Variants in NRXN1 observed in about 807,000 individuals in gnomAD.
The protein encoded by NRXN1 is neurexin-1.
Under a neutral mutation model 150.9 loss-of-function variants are expected in NRXN1, and 39 were observed. That is an observed-to-expected ratio of 0.26 (90% CI 0.20 to 0.34). The LOEUF (loss-of-function observed/expected upper bound fraction) is 0.34. Among genes scored for constraint, NRXN1 ranks in the 10% least tolerant of loss-of-function variants. NRXN1 has a pLI of 1.00. For missense variants in NRXN1, 1,815 were observed against 1,949.9 expected (o/e 0.93, Z 1.30); for synonymous variants, 924 against 757.0 (o/e 1.22, Z -3.62).
chr2:50,321,592 T>G (rs2076044490), intron 17 of NRXN1, among the ~76,000 whole-genome samples: 1 of 152,136 alleles, frequency 6.6e-6, no homozygotes, highest in Non-Finnish European at 1.5e-5. Context: ...GTAGCAGTAC[T>G]TTTCGAGAAA....
In NRXN1 at chr2:50,690,499, T is replaced by G. The variant is rs76608725; in HGVS notation, c.833-66884A>C. On this transcript the variant is annotated intron_variant, in intron 5 of 22. Coordinates refer to ENST00000401669, the MANE Select transcript of NRXN1 (RefSeq NM_001330078.2). ...GCCATCACAGCCTTGCACATGAGATTTGGTTGGTGGGAATAGAAAAACATT... is the reference window on the plus strand; with the variant it reads ...GCCATCACAGCCTTGCACATGAGATGTGGTTGGTGGGAATAGAAAAACATT... 7.5e-4 allele frequency among the ~76,000 whole-genome samples: 114 copies of G among 152,274 alleles called. 1 individual carries two copies. The East Asian group carries it at 0.019, about 26-fold the overall frequency.
intron 17 of NRXN1, among the ~76,000 whole-genome samples, chr2:50,308,413 G>C (rs2074848572): frequency 6.6e-6 from 1 of 152,060 alleles, no homozygotes; most frequent in Non-Finnish European, 1.5e-5. Flanking sequence ...CTGCTGCCTT[G>C]AATTTCTGGG....
At chr2:50,976,792 C>CA (rs1695916919) in intron 2 of NRXN1, among the ~76,000 whole-genome samples, 2 of 151,462 alleles carry the variant, frequency 1.3e-5, no homozygotes, top group African/African-American at 4.8e-5. Flanking sequence ...TTGAGCATAC[C>CA]AAAAAAATCA....
At chr2:50,489,881 G>GATAGCTGCATGGGAAGGGA (rs1553689652) in intron 15 of NRXN1, among the ~76,000 whole-genome samples, 1 of 152,042 alleles carries the variant, frequency 6.6e-6, no homozygotes, top group African/African-American at 2.4e-5. Context: ...GCAGGTCCCA[G>GATAGCTGCATGGGAAGGGA]ATAACTGCAT....
intron 5 of NRXN1, among the ~76,000 whole-genome samples, chr2:50,794,503 T>C (rs993102619): frequency 6.6e-6 from 1 of 152,174 alleles, no homozygotes; most frequent in Non-Finnish European, 1.5e-5. Flanking sequence ...CACTCTTTCA[T>C]ACCATTATGT....
At chr2:50,689,854 TTGTGTGTGTGTGTGTGTGTGTGTG>T (rs796892350) in intron 5 of NRXN1, among the ~76,000 whole-genome samples, 1 of 135,290 alleles carries the variant, frequency 7.4e-6, no homozygotes, top group African/African-American at 2.8e-5. Flanking sequence ...TTTTGCTTAT[TTGTGTGTGTGTGTGTGTGTGTGTG>T]TGTGTGTGTG....
intron 5 of NRXN1, among the ~76,000 whole-genome samples, chr2:50,799,969 T>C (rs550997979): frequency 2.0e-5 from 3 of 152,126 alleles, no homozygotes; most frequent in Non-Finnish European, 4.4e-5. Flanking sequence ...AAATTAAATG[T>C]ACTTAAATTT....
chr2:50,032,326 A>G (rs1419461732), intron 21 of NRXN1, among the ~76,000 whole-genome samples: 2 of 152,062 alleles, frequency 1.3e-5, no homozygotes, highest in African/African-American at 4.8e-5. Flanking sequence ...AACTTTCTCT[A>G]TTGTGATACT....
intron 21 of NRXN1, among the ~76,000 whole-genome samples, chr2:50,015,525 A>T (rs2152551735): frequency 6.8e-6 from 1 of 148,050 alleles, no homozygotes; most frequent in South Asian, 2.1e-4. Context: ...CCAAAAAAAA[A>T]AAAAAAAAAA....
At chr2:50,564,207 A>G (rs1669523156) in intron 8 of NRXN1, among the ~76,000 whole-genome samples, 1 of 152,146 alleles carries the variant, frequency 6.6e-6, no homozygotes, top group African/African-American at 2.4e-5. Flanking sequence ...ATGAAAACTT[A>G]TTTTGCAATG....
At chr2:50,273,491 G>C (rs879551858) in intron 17 of NRXN1, among the ~76,000 whole-genome samples, 10 of 152,026 alleles carry the variant, frequency 6.6e-5, no homozygotes, top group African/African-American at 2.2e-4. Flanking sequence ...TTGTGTTTTC[G>C]AGTGCTATTG....
chr2:50,929,882 T>C (rs1687483824), intron 2 of NRXN1, among the ~76,000 whole-genome samples: 1 of 152,064 alleles, frequency 6.6e-6, no homozygotes, highest in South Asian at 2.1e-4. Context: ...AGTCTGGGAA[T>C]GCTTCAAGCA....
chr2:50,430,147 C>T (rs1225705958), intron 17 of NRXN1, among the ~76,000 whole-genome samples: 1 of 152,144 alleles, frequency 6.6e-6, no homozygotes. Context: ...AACTGTCACT[C>T]AATTGAACTC....
At chr2:50,422,188 A>T (rs1009866208) in intron 17 of NRXN1, among the ~76,000 whole-genome samples, 5 of 152,316 alleles carry the variant, frequency 3.3e-5, no homozygotes, top group South Asian at 4.1e-4. Flanking sequence ...CCAACTTTTT[A>T]AAAAATTGTA....
At chr2:50,621,712 G>A (rs964520872) in intron 6 of NRXN1, among the ~76,000 whole-genome samples, 1 of 152,090 alleles carries the variant, frequency 6.6e-6, no homozygotes, top group Non-Finnish European at 1.5e-5. Context: ...GAATCAGTTG[G>A]CATTGCCCTA....
At chr2:50,803,003 A>G (rs1485236851) in intron 5 of NRXN1, among the ~76,000 whole-genome samples, 1 of 152,198 alleles carries the variant, frequency 6.6e-6, no homozygotes, top group African/African-American at 2.4e-5. Flanking sequence ...ATGAAATGAT[A>G]GTTTCTTTTG....
chr2:50,995,547 G>C (rs1398568564), intron 2 of NRXN1, among the ~76,000 whole-genome samples: 1 of 150,038 alleles, frequency 6.7e-6, no homozygotes, highest in Non-Finnish European at 1.5e-5. Context: ...AGAGGTTGCA[G>C]TGAGCCAAGA....
chr2:50,241,343 A>G (rs183753951), intron 17 of NRXN1, among the ~76,000 whole-genome samples: 68 of 151,944 alleles, frequency 4.5e-4, no homozygotes, highest in African/African-American at 1.6e-3. Flanking sequence ...TGAGTTAAAT[A>G]TGCAGTGGCA....
chr2:50,921,246 T>C (rs562253745), intron 5 of NRXN1, among the ~76,000 whole-genome samples: 3 of 151,896 alleles, frequency 2.0e-5, no homozygotes, highest in African/African-American at 7.2e-5. Context: ...ACCAACATCA[T>C]CAAAGAGTAC....
Sources: gnomAD v4.1 joint callset for allele counts (sites outside exome capture counted in the v4.1 genomes callset) on GRCh38, gnomAD v4.1.1 for gene constraint, MANE v1.5 for transcripts, NCBI Gene and HGNC (gene_info 2026-07-23, HGNC 2026-07-21) for gene names.